Variants in POFUT3 observed in about 807,000 individuals in gnomAD.
POFUT3 encodes protein O-fucosyltransferase 3.
chr8:33,389,021 T>A, the POFUT3 span: 3 of 1,614,120 alleles, frequency 1.9e-6, no homozygotes, highest in Non-Finnish European at 2.5e-6. Context: ...CTCAAATGCA[T>A]CGATGTAATT....
the POFUT3 span, among the ~76,000 whole-genome samples, chr8:33,398,012 G>A: frequency 6.6e-6 from 1 of 152,104 alleles, no homozygotes; most frequent in African/African-American, 2.4e-5. Flanking sequence ...TAAGCCCCAA[G>A]GGATATTATG....
chr8:33,312,098 C>T, the POFUT3 span, among the ~76,000 whole-genome samples: 1 of 151,968 alleles, frequency 6.6e-6, no homozygotes, highest in African/African-American at 2.4e-5. Flanking sequence ...CCCGTCTCCA[C>T]TAAAAGTACA....
At chr8:33,378,604 T>C in the POFUT3 span, among the ~76,000 whole-genome samples, 1 of 152,182 alleles carries the variant, frequency 6.6e-6, no homozygotes, top group African/African-American at 2.4e-5. Flanking sequence ...ATAAGTTTAC[T>C]GCTAAGGAAT....
chr8:33,336,808 G>A, the POFUT3 span, among the ~76,000 whole-genome samples: 1 of 152,176 alleles, frequency 6.6e-6, no homozygotes, highest in Non-Finnish European at 1.5e-5. Flanking sequence ...GACATTAGCA[G>A]GAACATTGAA....
At chr8:33,379,527 C>T in the POFUT3 span, among the ~76,000 whole-genome samples, 4 of 152,000 alleles carry the variant, frequency 2.6e-5, no homozygotes, top group African/African-American at 9.7e-5. Flanking sequence ...CTTTAAACTA[C>T]CATTAGTATG....
chr8:33,330,116 ACT>A, the POFUT3 span, among the ~76,000 whole-genome samples: 1 of 152,130 alleles, frequency 6.6e-6, no homozygotes, highest in Non-Finnish European at 1.5e-5. Context: ...CATTCCAAGC[ACT>A]CTCTTAGATA....
the POFUT3 span, among the ~76,000 whole-genome samples, chr8:33,359,773 A>C: frequency 6.6e-6 from 1 of 152,220 alleles, no homozygotes; most frequent in African/African-American, 2.4e-5. Context: ...TGGGAGGCCG[A>C]GGTGGGCAGA....
the POFUT3 span, among the ~76,000 whole-genome samples, chr8:33,342,558 G>C: frequency 1.3e-5 from 2 of 150,966 alleles, no homozygotes; most frequent in East Asian, 3.9e-4. Context: ...CCCATGAAAA[G>C]ATGTTCAATC....
At chr8:33,425,249 G>T in the POFUT3 span, among the ~76,000 whole-genome samples, 4 of 152,008 alleles carry the variant, frequency 2.6e-5, no homozygotes, top group African/African-American at 9.7e-5. Context: ...CAGGAGGATT[G>T]CCTGAGCCCA....
chr8:33,354,841 T>C, the POFUT3 span, among the ~76,000 whole-genome samples: 1 of 152,164 alleles, frequency 6.6e-6, no homozygotes, highest in Non-Finnish European at 1.5e-5. Flanking sequence ...GGGAGGAGCA[T>C]AACAAGTAGG....
At chr8:33,337,489 A>T in the POFUT3 span, among the ~76,000 whole-genome samples, 7 of 152,312 alleles carry the variant, frequency 4.6e-5, no homozygotes, top group East Asian at 1.2e-3. Flanking sequence ...GGAGCTGAAG[A>T]GGCAGGCAAC....
At chr8:33,404,460 C>T in the POFUT3 span, among the ~76,000 whole-genome samples, 17 of 152,222 alleles carry the variant, frequency 1.1e-4, no homozygotes, top group Non-Finnish European at 2.4e-4. Context: ...TCAGCTGCTA[C>T]GGGCTTCATA....
chr8:33,419,416 A>G, the POFUT3 span, among the ~76,000 whole-genome samples: 1 of 152,206 alleles, frequency 6.6e-6, no homozygotes, highest in African/African-American at 2.4e-5. Flanking sequence ...ACTCACAAGG[A>G]GCAAGTAATC....
chr8:33,401,476 C>T, the POFUT3 span, among the ~76,000 whole-genome samples: 2 of 151,864 alleles, frequency 1.3e-5, no homozygotes, highest in African/African-American at 4.8e-5. Context: ...AAATACATGT[C>T]GATTTCAGAG....
At chr8:33,439,634 G>A in the POFUT3 span, among the ~76,000 whole-genome samples, 1 of 152,036 alleles carries the variant, frequency 6.6e-6, no homozygotes, top group East Asian at 1.9e-4. Flanking sequence ...TTGGGAGGCG[G>A]AGGTGGGTGG....
the POFUT3 span, among the ~76,000 whole-genome samples, chr8:33,335,151 A>ATGTGTGTG: frequency 0.035 from 5,155 of 145,812 alleles, 109 homozygotes; most frequent in South Asian, 0.076. Flanking sequence ...AAAGAAATAT[A>ATGTGTGTG]TGTGTGTGTG....
chr8:33,342,923 C>T, the POFUT3 span, among the ~76,000 whole-genome samples: 1 of 152,064 alleles, frequency 6.6e-6, no homozygotes, highest in South Asian at 2.1e-4. Context: ...CTGGCCAACA[C>T]GGTGAAACTC....
chr8:33,355,876 G>C, the POFUT3 span, among the ~76,000 whole-genome samples: 2 of 152,038 alleles, frequency 1.3e-5, no homozygotes, highest in Non-Finnish European at 2.9e-5. Flanking sequence ...CTGTGTCCAT[G>C]TGTTCTCATT....
the POFUT3 span, among the ~76,000 whole-genome samples, chr8:33,379,348 T>C: frequency 6.6e-6 from 1 of 151,502 alleles, no homozygotes; most frequent in Non-Finnish European, 1.5e-5. Context: ...TACATAAACA[T>C]TGATCTTGGT....
Sources: gnomAD v4.1 joint callset for allele counts (sites outside exome capture counted in the v4.1 genomes callset) on GRCh38, gnomAD v4.1.1 for gene constraint, MANE v1.5 for transcripts, NCBI Gene and HGNC (gene_info 2026-07-23, HGNC 2026-07-21) for gene names.